GSTO1: variants seen among roughly 807,000 people sequenced by gnomAD.
GSTO1 encodes glutathione S-transferase omega 1.
In GSTO1, 27 loss-of-function variants were observed where a neutral mutation model predicts 23.8. The ratio of observed to expected loss-of-function variants is 1.13; its 90% confidence interval spans 0.83 to 1.56. GSTO1 has a LOEUF of 1.56. Among genes scored for constraint, GSTO1 ranks in the 40% most tolerant of loss-of-function variants. GSTO1 has a pLI of 0.00. For missense variants in GSTO1, 255 were observed against 285.8 expected, an observed-to-expected ratio of 0.89 and a Z score of 0.78; for synonymous variants, 105 against 109.3, an observed-to-expected ratio of 0.96 and a Z score of 0.25.
In GSTO1 at chr10:104,255,234, G is replaced by A. The variant is rs1448603478; in HGVS notation, c.106G>A (p.Glu36Lys). ...CAGCATGAGGTTCTGCCCGTTTGCT[G>A]AGAGGACGCGTCTAGTCCTGAAGGC... ...IYSMRFCPFAERTRLVLKAKG... is the reference protein window; with the variant it reads ...IYSMRFCPFAKRTRLVLKAKG... The change falls in exon 2 of 6, where the codon GAG (glutamate) becomes AAG (lysine). Residue 36 changes from glutamate to lysine, a missense_variant. By Grantham distance (56) the Glu-to-Lys change is moderately conservative. Transcript: ENST00000369713. 2 of 1,613,528 alleles carry A rather than the reference G, an allele frequency of 1.2e-6. No homozygotes were observed. Among genetic ancestry groups the A allele is most frequent in the Non-Finnish European group, 1.7e-6 (2 of 1,179,600 alleles).
intron 2 of GSTO1, among the ~76,000 whole-genome samples, chr10:104,257,098 T>G (rs988209893): frequency 5.3e-5 from 8 of 152,070 alleles, no homozygotes; most frequent in Non-Finnish European, 8.8e-5. Flanking sequence ...TGTCTATTTT[T>G]TTTTTAGTAA....
rs1255454238 is a variant in GSTO1 at position 104,259,739 on chromosome 10, T to C, written c.307T>C (p.Leu103=). ...LDEAYPGKKL[L]PDDPYEKACQ... is the part of the protein sequence containing the mutation. ...TGAAGCATACCCAGGGAAGAAGCTG[T>C]TGCCGGATGACCCCTATGAGAAAGC... The change falls in exon 3 of 6, where the codon TTG becomes CTG. Residue 103 remains leucine, a synonymous_variant. Transcript: ENST00000369713. The C allele has an allele frequency of 6.2e-7, 1 of 1,614,042 alleles. No homozygotes were observed. Among genetic ancestry groups the C allele is most frequent in the Non-Finnish European group, 8.5e-7 (1 of 1,179,886 alleles).
At chr10:104,262,843 G>A (rs1293979379) in intron 3 of GSTO1, 136 bp from the exon 4 acceptor site, 4 of 502,688 alleles carry the variant, frequency 8.0e-6, no homozygotes, top group South Asian at 3.1e-5. Flanking sequence ...CTCTGTGAGC[G>A]CAGGAACTTG....
At chr10:104,266,923 C>T (rs1387018993) in intron 5 of GSTO1, among the ~76,000 whole-genome samples, 1 of 152,110 alleles carries the variant, frequency 6.6e-6, no homozygotes, top group South Asian at 2.1e-4. Flanking sequence ...TACTTTTGGT[C>T]ATAATCTGGG....
In GSTO1 at chr10:104,259,715, G is replaced by A; in HGVS notation, c.283G>A (p.Glu95Lys). 6.2e-7 allele frequency: 1 copy of A among 1,613,138 alleles called. No homozygotes were observed. The highest frequency in any genetic ancestry group is 1.7e-5 in the Admixed American group (1 of 60,024). The stretch of plus-strand genomic sequence containing the variant: ...TGCCATCACCTGTGAGTACCTGGAT[G>A]AAGCATACCCAGGGAAGAAGCTGTT... ...ESAITCEYLDEAYPGKKLLPD... is the reference protein window; with the variant it reads ...ESAITCEYLDKAYPGKKLLPD... The change falls in exon 3 of 6, where the codon GAA (glutamate) becomes AAA (lysine). Residue 95 changes from glutamate to lysine, a missense_variant. Transcript: ENST00000369713.
intron 2 of GSTO1, 30 bp downstream of exon 2, chr10:104,255,301 A>C: frequency 6.8e-7 from 1 of 1,471,454 alleles, no homozygotes; most frequent in Non-Finnish European, 9.5e-7. Context: ...ACGCTCCCCG[A>C]GCCGTCCGGG....
At chr10:104,259,938 T>G in intron 3 of GSTO1, 140 bp downstream of exon 3, 1 of 630,402 alleles carries the variant, frequency 1.6e-6, no homozygotes, top group Non-Finnish European at 2.8e-6. Flanking sequence ...GTCCTGCAAG[T>G]CCTTTCACGA....
At position 104,259,570 on chromosome 10, in the gene GSTO1, T is replaced by C. The variant is rs1313102559; in HGVS notation, c.144-6T>C. On this transcript the variant is annotated splice_region_variant and splice_polypyrimidine_tract_variant and intron_variant, in intron 2 of 5. Coordinates refer to ENST00000369713, the MANE Select transcript of GSTO1 (RefSeq NM_004832.3). ...TTCTCTTCATAGTCTCCTATGTGTC[T>C]TTCAGGCATGAAGTCATCAATATCA... 6.4e-7 allele frequency: 1 copy of C among 1,570,840 alleles called. No individual in the cohort carries two copies. The highest frequency in any genetic ancestry group is 1.7e-5 in the Admixed American group (1 of 59,934).
chr10:104,261,633 T>C (rs533077771), intron 3 of GSTO1, among the ~76,000 whole-genome samples: 2 of 152,170 alleles, frequency 1.3e-5, no homozygotes, highest in Middle Eastern at 3.4e-3. Context: ...TGCAAAGTAA[T>C]ATGGAGCAGA....
rs765820640 is a variant in GSTO1, at chr10:104,267,351, T to C, written c.672T>C (p.Gly224=). ...ALLTSEKDWQ[G]FLELYLQNSP... ...TTACTAGTGAGAAAGACTGGCAAGG[T>C]TTCCTAGAGCTCTACTTACAGAACA... Residue 224 remains glycine, a synonymous_variant, in exon 6 of 6, where the codon GGT becomes GGC. Coordinates refer to ENST00000369713, the MANE Select transcript of GSTO1 (RefSeq NM_004832.3). 6.1e-5 allele frequency: 98 copies of C among 1,613,752 alleles called. No individual in the cohort carries two copies. The Middle Eastern group carries it at 8.2e-4, about 14-fold the overall frequency.
chr10:104,263,028 A>G lies in GSTO1; in HGVS notation c.416A>G (p.Tyr139Cys), dbSNP rs955721136. 1.3e-6 allele frequency: 2 copies of G among 1,553,214 alleles called. No individual in the cohort carries two copies. The highest frequency in any genetic ancestry group is 1.8e-6 in the Non-Finnish European group (2 of 1,125,698). The change falls in exon 4 of 6, where the codon TAT becomes TGT. Residue 139 changes from tyrosine (Y) to cysteine (C), a missense_variant. Coordinates refer to ENST00000369713, the MANE Select transcript of GSTO1 (RefSeq NM_004832.3). ...SFIRSQNKED[Y>C]AGLKEEFRKE... Reference sequence around the variant, plus strand: ...ATTAGAAGCCAAAATAAAGAAGACTATGCTGGCCTAAAAGAAGAATTTCGT... The same window carrying G: ...ATTAGAAGCCAAAATAAAGAAGACTGTGCTGGCCTAAAAGAAGAATTTCGT...
chr10:104,260,792 G>C (rs1363472696), intron 3 of GSTO1, among the ~76,000 whole-genome samples: 1 of 152,166 alleles, frequency 6.6e-6, no homozygotes, highest in African/African-American at 2.4e-5. Flanking sequence ...AAAACATTCT[G>C]TTTTAGGAGA....
At chr10:104,254,618 G>A, upstream of GSTO1, 1 of 474,246 alleles carries the variant, frequency 2.1e-6, no homozygotes, top group Non-Finnish European at 3.8e-6. Flanking sequence ...CAGACGTGGA[G>A]CCCCGTGGAG....
At chr10:104,259,511 T>G in intron 2 of GSTO1, 65 bp from the exon 3 acceptor site, 2 of 1,005,156 alleles carry the variant, frequency 2.0e-6, no homozygotes, top group Non-Finnish European at 3.1e-6. Flanking sequence ...GCAAAGCCAG[T>G]GAGAATTTAT....
chr10:104,267,141 A>G lies in GSTO1; in HGVS notation c.573-111A>G, dbSNP rs1262646634. 4.9e-6 allele frequency: 3 copies of G among 606,384 alleles called. No homozygotes were observed. In the East Asian group the frequency reaches 8.6e-5, roughly 17 times the overall value. 37.6% of individuals were successfully genotyped at this position (606,384 alleles called of 1,614,324 possible). On this transcript the variant is annotated intron_variant, in intron 5 of 5. Transcript: ENST00000369713. ...GGCATTTTTAAATATTTTTAATGAA[A>G]TATTTAAGGGAAAAAAGTGAAACTG... is the stretch of plus-strand genomic sequence containing the variant.
chr10:104,254,963 G>A lies in GSTO1; in HGVS notation c.34+1G>A, dbSNP rs753168814. ...GAGTCAGCCAGGAGCTTGGGGAAGGGTGAGGCCTGCCCGCCGCGAAGAGGG... is the reference window on the plus strand; with the variant it reads ...GAGTCAGCCAGGAGCTTGGGGAAGGATGAGGCCTGCCCGCCGCGAAGAGGG... On this transcript the variant is annotated splice_donor_variant, in intron 1 of 5. Transcript: ENST00000369713. LOFTEE classifies it high-confidence loss of function. 2 of 1,608,812 alleles carry A rather than the reference G, an allele frequency of 1.2e-6. No homozygotes were observed. The highest frequency in any genetic ancestry group is 1.3e-5 in the African/African-American group (1 of 75,018).
At chr10:104,260,762 C>T (rs1160507082) in intron 3 of GSTO1, among the ~76,000 whole-genome samples, 7 of 151,948 alleles carry the variant, frequency 4.6e-5, no homozygotes, top group African/African-American at 1.7e-4. Context: ...AAAGAAATGC[C>T]CTAAGAGAGA....
In GSTO1 at chr10:104,259,598, C is replaced by G. The variant is rs2011122024; in HGVS notation, c.166C>G (p.Leu56Val). The G allele has an allele frequency of 6.2e-7, 1 of 1,611,262 alleles. No homozygotes were observed. The highest frequency in any genetic ancestry group is 2.2e-5 in the East Asian group (1 of 44,866). The change falls in exon 3 of 6, where the codon CTG becomes GTG. Residue 56 changes from leucine (L) to valine (V), a missense_variant. By Grantham distance (32) the Leu-to-Val change is conservative. Coordinates refer to ENST00000369713, the MANE Select transcript of GSTO1 (RefSeq NM_004832.3). ...CAGGCATGAAGTCATCAATATCAAC[C>G]TGAAAAATAAGCCTGAGTGGTTCTT... ...GIRHEVININ[L>V]KNKPEWFFKK...
At chr10:104,254,585 G>A, upstream of GSTO1, 1 of 412,288 alleles carries the variant, frequency 2.4e-6, no homozygotes. Context: ...TCAGTGTCAC[G>A]GGAGGGAGGT....
Sources: gnomAD v4.1 joint callset for allele counts (sites outside exome capture counted in the v4.1 genomes callset) on GRCh38, gnomAD v4.1.1 for gene constraint, MANE v1.5 for transcripts, NCBI Gene and HGNC (gene_info 2026-07-23, HGNC 2026-07-21) for gene names.